CDC37: variants seen among roughly 807,000 people sequenced by gnomAD.
CDC37 encodes the protein hsp90 co-chaperone Cdc37.
Under a neutral mutation model 46.9 loss-of-function variants are expected in CDC37, and 9 were observed. The ratio of observed to expected loss-of-function variants is 0.19; its 90% CI spans 0.12 to 0.33. The LOEUF is 0.33. Among genes scored for constraint, CDC37 ranks in the 10% least tolerant of loss-of-function variants. The probability of loss-of-function intolerance (pLI) is 1.00; values close to 1 mark genes in which losing one functional copy is unlikely to be tolerated. For missense variants in CDC37, 388 were observed against 514.6 expected, an observed-to-expected ratio of 0.75 and a Z score of 2.38; for synonymous variants, 193 against 191.0, an observed-to-expected ratio of 1.01 and a Z score of -0.09.
Position 10,391,954 on chromosome 19 carries a change from G to A in CDC37, c.982-248C>T, listed in dbSNP as rs553481760. On this transcript the variant is annotated intron_variant, in intron 7 of 7. Transcript: ENST00000222005. Reference sequence around the variant, plus strand: ...CAAGTAGCTGGGGTTACCGACGCCTGTCACCATGCCTGGCTAATTTTACTT... The same window carrying A: ...CAAGTAGCTGGGGTTACCGACGCCTATCACCATGCCTGGCTAATTTTACTT... Among the ~76,000 whole-genome samples, 584 of 152,296 alleles carry A rather than the reference G, an allele frequency of 3.8e-3. 2 individuals carry two copies. The highest frequency in any genetic ancestry group is 0.014 in the African/African-American group (566 of 41,550).
chr19:10,395,044 G>A lies in CDC37; in HGVS notation c.703C>T (p.Arg235Trp), dbSNP rs140745389. The A allele has an allele frequency of 2.7e-5, 41 of 1,529,238 alleles. No individual in the cohort carries two copies. Among genetic ancestry groups the A allele is most frequent in the African/African-American group, 1.7e-4 (12 of 72,124 alleles). 94.7% of individuals were successfully genotyped at this position (1,529,238 alleles called of 1,614,324 possible). A position where few individuals can be genotyped will look rare whatever the true frequency, so the allele number is the denominator to read the frequency against. Residue 235 changes from arginine to tryptophan, a missense_variant, in exon 5 of 8, where the codon CGG becomes TGG. Around this residue, in one of 2 missense-constraint regions of CDC37, gnomAD observed 374 missense variants for 467.4 expected, o/e 0.80. Transcript: ENST00000222005. ...SLKVDPRACF[R>W]QFFTKIKTAD... is the part of the protein sequence containing the mutation. ...ACCTTAATCTTAGTGAAGAACTGCC[G>A]GAAGCAGGCCCGGGGGTCCACCTTT... is the stretch of plus-strand genomic sequence containing the variant.
rs757312172 is a variant in CDC37 at position 10,391,621 on chromosome 19, T to C, written c.1067A>G (p.Glu356Gly). The change falls in exon 8 of 8, where the codon GAG becomes GGG. Residue 356 changes from glutamate to glycine, a missense_variant. Transcript: ENST00000222005. ...SKASEAKEGE[E>G]AGPGDPLLEA... ...CAGTAATGGGTCCCCAGGACCTGCCTCCTCTCCCTCCTTGGCCTCGCTGGC... is the reference window on the plus strand; with the variant it reads ...CAGTAATGGGTCCCCAGGACCTGCCCCCTCTCCCTCCTTGGCCTCGCTGGC... 1 of 1,614,186 alleles carries C rather than the reference T, an allele frequency of 6.2e-7. No homozygotes were observed. Among genetic ancestry groups the C allele is most frequent in the Non-Finnish European group, 8.5e-7 (1 of 1,180,012 alleles).
Position 10,396,944 on chromosome 19 carries a change from GC to G in CDC37, c.103-742del. On this transcript the variant is annotated intron_variant, in intron 1 of 7. Coordinates refer to ENST00000222005, the MANE Select transcript of CDC37 (RefSeq NM_007065.4). This position sits in a 1 kb window ranked among gnomAD's most constrained non-coding sequence, Gnocchi z 5.9. ...CTACTTGGAATGCTTTTCCTTCAGAGCCCCCCACAGCTGACTCCATGGCACC... is the reference window on the plus strand; with the variant it reads ...CTACTTGGAATGCTTTTCCTTCAGAGCCCCCACAGCTGACTCCATGGCACC... Among the ~76,000 whole-genome samples the G allele has an allele frequency of 6.6e-6, 1 of 152,042 alleles. No homozygotes were observed. The highest frequency in any genetic ancestry group is 1.5e-5 in the Non-Finnish European group (1 of 67,990).
chr19:10,394,537 T>C (rs1568354280), intron 5 of CDC37, among the ~76,000 whole-genome samples: 1 of 151,932 alleles, frequency 6.6e-6, no homozygotes, highest in East Asian at 1.9e-4. Context: ...AATTAATTTA[T>C]TTATTTATTT....
rs373540380 is a variant in CDC37 at position 10,395,994 on chromosome 19, C to T, written c.312G>A (p.Glu104=). 2 of 1,610,224 alleles carry T rather than the reference C, an allele frequency of 1.2e-6. No individual in the cohort carries two copies. Among genetic ancestry groups the T allele is most frequent in the Non-Finnish European group, 1.7e-6 (2 of 1,177,788 alleles). ...EERSWEQKLE[E]MRKKEKSMPW... ...GCATGCTCTTCTCCTTCTTGCGCATCTCCTCCAGCTTCTGCTCCCAGCTCC... is the reference window on the plus strand; with the variant it reads ...GCATGCTCTTCTCCTTCTTGCGCATTTCCTCCAGCTTCTGCTCCCAGCTCC... Residue 104 remains glutamate (E), a synonymous_variant, in exon 2 of 8, where the codon GAG becomes GAA. Coordinates refer to ENST00000222005, the MANE Select transcript of CDC37 (RefSeq NM_007065.4).
intron 1 of CDC37, among the ~76,000 whole-genome samples, chr19:10,402,517 G>A (rs1280404016): frequency 1.3e-5 from 2 of 152,134 alleles, no homozygotes; most frequent in Admixed American, 6.6e-5. Context: ...TGCTGGCTGA[G>A]GCTCATACAG....
Position 10,391,321 on chromosome 19 carries a change from T to A in CDC37, c.*230A>T, listed in dbSNP as rs754323776. ...CCGGACCCCCGGGCCTTTGGCATAATGCTGATGGGGGGCTGCAGGCAGTGA... is the reference window on the plus strand; with the variant it reads ...CCGGACCCCCGGGCCTTTGGCATAAAGCTGATGGGGGGCTGCAGGCAGTGA... On this transcript the variant is annotated 3_prime_UTR_variant, in exon 8 of 8. Coordinates refer to ENST00000222005, the MANE Select transcript of CDC37 (RefSeq NM_007065.4). The A allele has an allele frequency of 3.6e-6, 2 of 560,872 alleles. No homozygotes were observed. The highest frequency in any genetic ancestry group is 6.4e-6 in the Non-Finnish European group (2 of 313,462). The allele number at this position is 560,872 out of a possible 1,614,324, so 34.7% of individuals were successfully genotyped here.
intron 1 of CDC37, among the ~76,000 whole-genome samples, chr19:10,397,152 C>T (rs1010023241): frequency 1.1e-4 from 17 of 152,208 alleles, no homozygotes; most frequent in African/African-American, 3.9e-4. Flanking sequence ...TGAATGAAGC[C>T]CTGCTCTCTA....
intron 1 of CDC37, 63 bp downstream of exon 1, chr19:10,403,315 C>T (rs2042530170): frequency 4.0e-6 from 5 of 1,258,270 alleles, no homozygotes; most frequent in Non-Finnish European, 4.6e-6. Flanking sequence ...TGGGCAGTAT[C>T]GGGGATCACA....
intron 1 of CDC37, among the ~76,000 whole-genome samples, chr19:10,402,205 G>C (rs1364861972): frequency 6.9e-6 from 1 of 145,690 alleles, no homozygotes; most frequent in Non-Finnish European, 1.5e-5. Flanking sequence ...ACACTGGTAT[G>C]TAATGCAGGC....
In CDC37 at chr19:10,396,988, A is replaced by C. The variant is rs1323108445; in HGVS notation, c.103-785T>G. Among the ~76,000 whole-genome samples, 1 of 152,156 alleles carries C rather than the reference A, an allele frequency of 6.6e-6. No individual in the cohort carries two copies. The highest frequency in any genetic ancestry group is 1.9e-4 in the East Asian group (1 of 5,192). On this transcript the variant is annotated intron_variant, in intron 1 of 7. Coordinates refer to ENST00000222005, the MANE Select transcript of CDC37 (RefSeq NM_007065.4). This position sits in a 1 kb window ranked among gnomAD's most constrained non-coding sequence, Gnocchi z 5.9. ...ATGGCACCCGTGCCATCTGGGCTCCATGTTGCCTTAGCGAGGACCCCTTCC... is the reference window on the plus strand; with the variant it reads ...ATGGCACCCGTGCCATCTGGGCTCCCTGTTGCCTTAGCGAGGACCCCTTCC...
In CDC37 at chr19:10,391,413, A is replaced by G; in HGVS notation, c.*138T>C. The G allele has an allele frequency of 1.0e-6, 1 of 958,912 alleles. No homozygotes were observed. Among genetic ancestry groups the G allele is most frequent in the South Asian group, 1.3e-5 (1 of 75,754 alleles). 59.4% of individuals were successfully genotyped at this position (958,912 alleles called of 1,614,324 possible). A position where few individuals can be genotyped will look rare whatever the true frequency, so the allele number is the denominator to read the frequency against. On this transcript the variant is annotated 3_prime_UTR_variant, in exon 8 of 8. Coordinates refer to ENST00000222005, the MANE Select transcript of CDC37 (RefSeq NM_007065.4). ...AGTGGAGACAGTGGAGAGGCCAGGGAGGGCTGGGCGGGCCCCCCAGGCTGG... is the reference window on the plus strand; with the variant it reads ...AGTGGAGACAGTGGAGAGGCCAGGGGGGGCTGGGCGGGCCCCCCAGGCTGG...
At chr19:10,402,695 T>C (rs2042526087) in intron 1 of CDC37, among the ~76,000 whole-genome samples, 1 of 152,092 alleles carries the variant, frequency 6.6e-6, no homozygotes, top group Admixed American at 6.6e-5. Flanking sequence ...GGGTTGGAGC[T>C]GGTAGTTAGA....
rs545904157 is a variant in CDC37 at position 10,395,546 on chromosome 19, G to A, written c.379-3C>T. Reference sequence around the variant, plus strand: ...TCGGGCTTGGTATTTACCATGCTCTGTGGTAGGGTGAGAGGGGGAGTGGGC... The same window carrying A: ...TCGGGCTTGGTATTTACCATGCTCTATGGTAGGGTGAGAGGGGGAGTGGGC... On this transcript the variant is annotated splice_region_variant and splice_polypyrimidine_tract_variant and intron_variant, in intron 2 of 7. Coordinates refer to ENST00000222005, the MANE Select transcript of CDC37 (RefSeq NM_007065.4). The A allele has an allele frequency of 3.7e-6, 6 of 1,607,198 alleles. No homozygotes were observed. The South Asian group carries it at 4.4e-5, about 12-fold the overall frequency.
At chr19:10,399,680 C>T (rs2042508428) in intron 1 of CDC37, among the ~76,000 whole-genome samples, 1 of 151,226 alleles carries the variant, frequency 6.6e-6, no homozygotes, top group African/African-American at 2.4e-5. Flanking sequence ...TGCCTGTAAT[C>T]CCAACACTTT....
At position 10,403,372 on chromosome 19, in the gene CDC37, C is replaced by T; in HGVS notation, c.102+6G>A. 1 of 1,609,896 alleles carries T rather than the reference C, an allele frequency of 6.2e-7. No homozygotes were observed. The highest frequency in any genetic ancestry group is 8.5e-7 in the Non-Finnish European group (1 of 1,178,772). Reference sequence around the variant, plus strand: ...GTGGGGAAAGGGATGGGCGCGCGCGCCTTACCTGATGCCGCCAGCGGAAGA... The same window carrying T: ...GTGGGGAAAGGGATGGGCGCGCGCGTCTTACCTGATGCCGCCAGCGGAAGA... On this transcript the variant is annotated splice_donor_region_variant and intron_variant, in intron 1 of 7. Transcript: ENST00000222005.
chr19:10,399,952 A>AAAAAAAAAAAC (rs2042510352), intron 1 of CDC37, among the ~76,000 whole-genome samples: 1 of 149,432 alleles, frequency 6.7e-6, no homozygotes, highest in African/African-American at 2.5e-5. Context: ...AAAAAAAAAA[A>AAAAAAAAAAAC]AAAAGCAGCT....
rs1405939055 is a variant in CDC37, at chr19:10,395,359, G to C, written c.488-16C>G. 3.1e-6 allele frequency: 5 copies of C among 1,612,724 alleles called. No homozygotes were observed. Among genetic ancestry groups the C allele is most frequent in the Non-Finnish European group, 3.4e-6 (4 of 1,178,686 alleles). ...CGAAGCATGCCTGTGGGAAGATGCT[G>C]GCAAGGTGCTGGAGGGCCCTGGAGG... On this transcript the variant is annotated splice_polypyrimidine_tract_variant and intron_variant, in intron 3 of 7. Coordinates refer to ENST00000222005, the MANE Select transcript of CDC37 (RefSeq NM_007065.4).
chr19:10,393,546 C>T lies in CDC37; in HGVS notation c.727-105G>A, dbSNP rs926636406. The T allele has an allele frequency of 6.5e-5, 79 of 1,219,582 alleles. No homozygotes were observed. The highest frequency in any genetic ancestry group is 8.4e-5 in the Non-Finnish European group (74 of 883,212). The allele number at this position is 1,219,582 out of a possible 1,614,324, so 75.5% of individuals were successfully genotyped here. On this transcript the variant is annotated intron_variant, in intron 5 of 7. Transcript: ENST00000222005. The surrounding 1 kb of genome is among the most constrained non-coding windows in gnomAD (Gnocchi z 4.9). The stretch of plus-strand genomic sequence containing the variant: ...GCTCCTCAGAGGCGCCCCACGGTTC[C>T]CCAAGTCTATTCCTGACCTACATGA...
Sources: gnomAD v4.1 joint callset for allele counts (sites outside exome capture counted in the v4.1 genomes callset) on GRCh38, gnomAD v4.1.1 for gene constraint, gnomAD v4.1.1 regional missense constraint, Gnocchi (gnomAD v3.1) non-coding constraint, MANE v1.5 for transcripts, NCBI Gene and HGNC (gene_info 2026-07-23, HGNC 2026-07-21) for gene names.